Variants in LRBA observed in about 807,000 individuals in gnomAD.
LRBA encodes the protein LPS responsive beige-like anchor protein, also known as lipopolysaccharide-responsive and beige-like anchor protein.
In LRBA, 176 loss-of-function variants were observed where a neutral mutation model predicts 330.0. The observed-to-expected ratio is 0.53, with a 90% CI of 0.47 to 0.60. The LOEUF is 0.60. LRBA is among the 20% of genes least tolerant of loss of function. LRBA has a pLI of 0.00. For synonymous variants in LRBA, 1,230 were observed against 1,193.0 expected, an observed-to-expected ratio of 1.03 and a Z score of -0.64; for missense variants, 3,259 against 3,444.8, an observed-to-expected ratio of 0.95 and a Z score of 1.35.
chr4:150,689,057 C>T (rs1188861795), intron 36 of LRBA, among the ~76,000 whole-genome samples: 1 of 152,168 alleles, frequency 6.6e-6, no homozygotes, highest in African/African-American at 2.4e-5. Flanking sequence ...TTGGAACCAA[C>T]CCAAATGTCC....
chr4:150,468,796 T>C (rs1439491340), intron 43 of LRBA, among the ~76,000 whole-genome samples: 2 of 152,068 alleles, frequency 1.3e-5, no homozygotes, highest in Admixed American at 1.3e-4. Flanking sequence ...TAGTTCTCTG[T>C]ACATACTCTT....
intron 16 of LRBA, among the ~76,000 whole-genome samples, chr4:150,895,065 T>C (rs941869612): frequency 7.2e-5 from 11 of 152,212 alleles, no homozygotes; most frequent in South Asian, 4.1e-4. Flanking sequence ...TTCTAAAATA[T>C]ATTTATTAAT....
chr4:150,993,000 G>A (rs1742264827), intron 2 of LRBA, among the ~76,000 whole-genome samples: 1 of 152,130 alleles, frequency 6.6e-6, no homozygotes, highest in Non-Finnish European at 1.5e-5. Flanking sequence ...GTAAAAATAA[G>A]GCCGGGTGCA....
At chr4:150,860,541 A>T (rs1424884325) in intron 22 of LRBA, among the ~76,000 whole-genome samples, 1 of 152,178 alleles carries the variant, frequency 6.6e-6, no homozygotes, top group Non-Finnish European at 1.5e-5. Flanking sequence ...CTAAAGAAAC[A>T]TATAGGCCGG....
chr4:150,449,112 C>T (rs1753028733), intron 44 of LRBA, among the ~76,000 whole-genome samples: 1 of 151,908 alleles, frequency 6.6e-6, no homozygotes, highest in South Asian at 2.1e-4. Flanking sequence ...GAGAGGAACA[C>T]CAAACTCTCA....
At chr4:150,542,678 A>G in intron 40 of LRBA, among the ~76,000 whole-genome samples, 1 of 152,190 alleles carries the variant, frequency 6.6e-6, no homozygotes, top group East Asian at 1.9e-4. Flanking sequence ...CAAAGCAATG[A>G]AAATATTTAT....
chr4:150,650,695 C>T (rs917366649), intron 37 of LRBA, among the ~76,000 whole-genome samples: 12 of 151,700 alleles, frequency 7.9e-5, no homozygotes, highest in African/African-American at 2.4e-4. Flanking sequence ...TGTTAAAATG[C>T]TATAAAAAAT....
At chr4:150,531,577 G>A (rs888358422) in intron 40 of LRBA, among the ~76,000 whole-genome samples, 2 of 152,102 alleles carry the variant, frequency 1.3e-5, no homozygotes, top group East Asian at 3.8e-4. Flanking sequence ...TTTCTTCACT[G>A]GTATATTCTC....
intron 47 of LRBA, among the ~76,000 whole-genome samples, chr4:150,368,037 A>C (rs968535617): frequency 9.9e-5 from 15 of 152,224 alleles, no homozygotes; most frequent in African/African-American, 3.4e-4. Context: ...GTGCTATAAA[A>C]AAGGATTGAA....
At chr4:150,423,255 C>T in intron 46 of LRBA, 1 of 1,110,080 alleles carries the variant, frequency 9.0e-7, no homozygotes, top group Non-Finnish European at 1.3e-6. Flanking sequence ...TGACACGCAG[C>T]CGCCTCCCAG....
chr4:150,981,849 GC>G (rs1389543825), intron 2 of LRBA, among the ~76,000 whole-genome samples: 8 of 151,724 alleles, frequency 5.3e-5, no homozygotes, highest in Non-Finnish European at 1.2e-4. Flanking sequence ...TGTAGTCCCA[GC>G]TACTTGGGAG....
intron 40 of LRBA, among the ~76,000 whole-genome samples, chr4:150,540,348 C>G (rs1765179832): frequency 6.6e-6 from 1 of 152,122 alleles, no homozygotes; most frequent in Admixed American, 6.5e-5. Context: ...ATGTGCGTCA[C>G]CACACCCGGC....
At chr4:150,270,711 T>C (rs1745961242) in intron 56 of LRBA, among the ~76,000 whole-genome samples, 1 of 152,006 alleles carries the variant, frequency 6.6e-6, no homozygotes, top group Admixed American at 6.6e-5. Context: ...CAAAAATGAG[T>C]GACTATACGT....
At position 150,583,165 on chromosome 4, in the gene LRBA, G is replaced by C. The variant is rs1489220847; in HGVS notation, c.6330+4883C>G. The stretch of plus-strand genomic sequence containing the variant: ...GGTCTCGGACGTGCTCAAGGAAGTG[G>C]AGGTGCAGGAGCCTCGCTTCATCAG... On this transcript the variant is annotated intron_variant, in intron 40 of 56. Coordinates refer to ENST00000651943, the MANE Select transcript of LRBA (RefSeq NM_001364905.1). The surrounding 1 kb of genome is among the most constrained non-coding windows in gnomAD (Gnocchi z 9.8). 2 of 1,614,224 alleles carry C rather than the reference G, an allele frequency of 1.2e-6. No individual in the cohort carries two copies. The highest frequency in any genetic ancestry group is 1.7e-5 in the Admixed American group (1 of 60,032).
intron 33 of LRBA, among the ~76,000 whole-genome samples, chr4:150,803,075 A>AAAAT (rs1553964881): frequency 7.7e-6 from 1 of 129,884 alleles, no homozygotes; most frequent in African/African-American, 2.9e-5. Flanking sequence ...ACAAAAAAAA[A>AAAAT]ATATATATAC....
intron 5 of LRBA, among the ~76,000 whole-genome samples, 191 bp downstream of exon 5, chr4:150,921,007 T>G (rs1489781862): frequency 6.6e-6 from 1 of 152,218 alleles, no homozygotes; most frequent in African/African-American, 2.4e-5. Context: ...CTCAACTAAT[T>G]TAAGCCTCTA....
chr4:150,432,803 C>T (rs1750612796), intron 46 of LRBA, among the ~76,000 whole-genome samples: 1 of 151,920 alleles, frequency 6.6e-6, no homozygotes, highest in Non-Finnish European at 1.5e-5. Context: ...TAAACAGGAT[C>T]AAAACAACAA....
intron 47 of LRBA, among the ~76,000 whole-genome samples, chr4:150,370,410 C>T (rs563904322): frequency 1.3e-5 from 2 of 152,028 alleles, no homozygotes; most frequent in Non-Finnish European, 2.9e-5. Flanking sequence ...TAAATGCATG[C>T]TACTAAATGA....
chr4:150,595,814 T>C (rs532232535), intron 38 of LRBA, among the ~76,000 whole-genome samples: 8 of 152,094 alleles, frequency 5.3e-5, no homozygotes, highest in African/African-American at 9.6e-5. Context: ...TTAGACTAGA[T>C]GTTAGCCTTA....
Sources: allele counts gnomAD v4.1 joint callset (sites outside exome capture counted in the v4.1 genomes callset), GRCh38; gene constraint gnomAD v4.1.1; non-coding constraint Gnocchi (gnomAD v3.1); transcripts MANE v1.5; gene names NCBI Gene and HGNC (gene_info 2026-07-23, HGNC 2026-07-21).